The following PHF21B variants were observed in gnomAD, a reference collection of about 807,000 sequenced individuals.
PHF21B encodes the protein PHD finger protein 21B.
A neutral mutation model predicts 62.2 loss-of-function variants in PHF21B; 22 were observed. The ratio of observed to expected loss-of-function variants is 0.35; its 90% CI spans 0.25 to 0.51. PHF21B has a LOEUF of 0.51. PHF21B is among the 20% of genes least tolerant of loss of function. The pLI, the probability that PHF21B is intolerant of heterozygous loss-of-function variation, is 0.97. For synonymous variants in PHF21B, 341 were observed against 314.7 expected (o/e 1.08, Z -0.88); for missense variants, 701 against 707.9 (o/e 0.99, Z 0.11).
intron 2 of PHF21B, among the ~76,000 whole-genome samples, chr22:44,921,857 T>C (rs563198149): frequency 5.9e-4 from 89 of 151,650 alleles, no homozygotes; most frequent in Admixed American, 2.0e-3. Flanking sequence ...TGGGGTTTCA[T>C]TATGTTGGCC....
chr22:44,885,475 T>G lies in PHF21B; in HGVS notation c.1328A>C (p.Glu443Ala), dbSNP rs748300734. 10 of 1,599,544 alleles carry G rather than the reference T, an allele frequency of 6.3e-6. No homozygotes were observed. The South Asian group carries it at 1.1e-4, about 18-fold the overall frequency. ...LLQRGSELQN[E>A]HQQLEERDRR... ...GTCCCGCTCCTCCAGCTGCTGGTGCTCGTTCTGCAGCTCACTGCCTCGTTG... is the reference window on the plus strand; with the variant it reads ...GTCCCGCTCCTCCAGCTGCTGGTGCGCGTTCTGCAGCTCACTGCCTCGTTG... The change falls in exon 12 of 13, where the codon GAG (glutamate) becomes GCG (alanine). Residue 443 changes from glutamate to alanine, a missense_variant. Coordinates refer to ENST00000313237, the MANE Select transcript of PHF21B (RefSeq NM_138415.5).
intron 3 of PHF21B, among the ~76,000 whole-genome samples, chr22:44,919,262 T>A (rs2147310238): frequency 6.6e-6 from 1 of 152,312 alleles, no homozygotes. Flanking sequence ...CTGTCCTCCC[T>A]CTAGACCAAG....
intron 2 of PHF21B, among the ~76,000 whole-genome samples, chr22:44,991,862 CTT>C (rs1401136303): frequency 1.3e-5 from 2 of 152,254 alleles, no homozygotes; most frequent in Non-Finnish European, 2.9e-5. Flanking sequence ...GCTGAGAACT[CTT>C]GTCTTCACTT....
chr22:44,950,812 C>A (rs57718555), intron 2 of PHF21B, among the ~76,000 whole-genome samples: 1 of 152,166 alleles, frequency 6.6e-6, no homozygotes, highest in Non-Finnish European at 1.5e-5. Context: ...TGCTGTTTCA[C>A]CATTGGGCCT....
chr22:44,884,714 C>G lies in PHF21B; in HGVS notation c.1377+712G>C, dbSNP rs536003846. ...TCATTACAACCATCACCATCACCAC[C>G]ATGATCACCATCACCACCACCATCA... On this transcript the variant is annotated intron_variant, in intron 12 of 12. Transcript: ENST00000313237. Among the ~76,000 whole-genome samples the G allele has an allele frequency of 3.4e-5, 5 of 145,814 alleles. 1 individual carries two copies. Among genetic ancestry groups the G allele is most frequent in the African/African-American group, 1.2e-4 (5 of 40,032 alleles).
intron 2 of PHF21B, among the ~76,000 whole-genome samples, chr22:44,921,453 G>A (rs1253574092): frequency 6.0e-5 from 9 of 150,696 alleles, no homozygotes; most frequent in Non-Finnish European, 1.2e-4. Flanking sequence ...TGCAAGCTCC[G>A]CCTCCCGGGT....
At chr22:44,999,743 G>A (rs1207005805) in intron 2 of PHF21B, among the ~76,000 whole-genome samples, 2 of 152,082 alleles carry the variant, frequency 1.3e-5, no homozygotes, top group Admixed American at 6.6e-5. Flanking sequence ...CAATGGTCCA[G>A]AACTGGACCA....
chr22:44,929,868 G>A (rs1158874321), intron 2 of PHF21B, among the ~76,000 whole-genome samples: 1 of 152,216 alleles, frequency 6.6e-6, no homozygotes, highest in African/African-American at 2.4e-5. Context: ...CCACCGGGCT[G>A]GAGGGAGGGG....
chr22:44,892,895 T>A (rs1472759023), intron 7 of PHF21B, among the ~76,000 whole-genome samples: 1 of 152,122 alleles, frequency 6.6e-6, no homozygotes, highest in Non-Finnish European at 1.5e-5. Flanking sequence ...CATCCTTAAA[T>A]CCCAACCCTG....
chr22:44,923,529 G>C (rs928365841), intron 2 of PHF21B, among the ~76,000 whole-genome samples: 2 of 151,984 alleles, frequency 1.3e-5, no homozygotes, highest in Non-Finnish European at 2.9e-5. Flanking sequence ...AACAAAATAA[G>C]AAACTCCCAA....
At chr22:44,930,622 G>A (rs1179819051) in intron 2 of PHF21B, among the ~76,000 whole-genome samples, 1 of 152,188 alleles carries the variant, frequency 6.6e-6, no homozygotes, top group Non-Finnish European at 1.5e-5. Flanking sequence ...AGCACTGGAG[G>A]CTACAGCTCC....
chr22:44,915,283 G>C (rs763612286), intron 4 of PHF21B, among the ~76,000 whole-genome samples: 3 of 152,220 alleles, frequency 2.0e-5, no homozygotes, highest in Non-Finnish European at 2.9e-5. Context: ...GAATTCTTAA[G>C]TGTAAGAAAA....
Position 44,950,853 on chromosome 22 carries a change from C to T in PHF21B, c.121-30363G>A, listed in dbSNP as rs75452680. Among the ~76,000 whole-genome samples the T allele has an allele frequency of 3.7e-3, 559 of 152,200 alleles. 6 individuals carry two copies. The highest frequency in any genetic ancestry group is 0.013 in the African/African-American group (530 of 41,524). ...CCTTTTCAAAGAAGCTCTCCAGAGA[C>T]GCTTGATTTTTTTCTTACTCATTCT... On this transcript the variant is annotated intron_variant, in intron 2 of 12. Coordinates refer to ENST00000313237, the MANE Select transcript of PHF21B (RefSeq NM_138415.5).
At chr22:44,918,199 A>G (rs781310616) in intron 3 of PHF21B, among the ~76,000 whole-genome samples, 1 of 152,238 alleles carries the variant, frequency 6.6e-6, no homozygotes, top group Non-Finnish European at 1.5e-5. Context: ...GCCTCTGAAG[A>G]GGACTGGCGT....
intron 2 of PHF21B, among the ~76,000 whole-genome samples, chr22:44,954,726 G>T (rs538769977): frequency 6.6e-6 from 1 of 152,164 alleles, no homozygotes; most frequent in Non-Finnish European, 1.5e-5. Flanking sequence ...TCTAGGCACC[G>T]AGCGTATTGT....
intron 2 of PHF21B, among the ~76,000 whole-genome samples, chr22:44,963,333 G>C (rs566262981): frequency 5.3e-5 from 8 of 152,270 alleles, no homozygotes; most frequent in Non-Finnish European, 8.8e-5. Context: ...TGGTTAGGGA[G>C]GATGACCCAC....
intron 5 of PHF21B, among the ~76,000 whole-genome samples, chr22:44,913,035 T>C (rs2071372262): frequency 6.6e-6 from 1 of 152,016 alleles, no homozygotes; most frequent in Non-Finnish European, 1.5e-5. Flanking sequence ...CCACCACCAG[T>C]TCAGCAAAGG....
chr22:45,002,809 C>T (rs971848096), intron 2 of PHF21B: 4 of 152,444 alleles, frequency 2.6e-5, no homozygotes, highest in Admixed American at 1.3e-4. Flanking sequence ...CTTCTCTGCC[C>T]TCTCTCTCCT....
chr22:44,934,087 G>A (rs2071797288), intron 2 of PHF21B, among the ~76,000 whole-genome samples: 1 of 152,196 alleles, frequency 6.6e-6, no homozygotes, highest in Non-Finnish European at 1.5e-5. Flanking sequence ...CCTCTCCTCT[G>A]ACGTGGGCAT....
Sources: gnomAD v4.1 joint callset for allele counts (sites outside exome capture counted in the v4.1 genomes callset) on GRCh38, gnomAD v4.1.1 for gene constraint, MANE v1.5 for transcripts, NCBI Gene and HGNC (gene_info 2026-07-23, HGNC 2026-07-21) for gene names.